The following TLL1 variants were observed in gnomAD, a reference collection of about 807,000 sequenced individuals.
The protein encoded by TLL1 is tolloid-like protein 1.
A neutral mutation model predicts 128.2 loss-of-function variants in TLL1; 49 were observed. That is an observed-to-expected ratio of 0.38 (90% CI 0.30 to 0.48). TLL1 has a LOEUF of 0.48. Among genes scored for constraint, TLL1 ranks in the 20% least tolerant of loss-of-function variants. The pLI, the probability that TLL1 is intolerant of heterozygous loss-of-function variation, is 0.96. For missense variants in TLL1, 1,123 were observed against 1,242.0 expected, an observed-to-expected ratio of 0.90 and a Z score of 1.44; for synonymous variants, 454 against 418.8, an observed-to-expected ratio of 1.08 and a Z score of -1.03.
chr4:166,026,243 G>A (rs931286315), intron 9 of TLL1, among the ~76,000 whole-genome samples: 14 of 151,850 alleles, frequency 9.2e-5, no homozygotes, highest in Non-Finnish European at 2.9e-5. Flanking sequence ...ACAAAAATTA[G>A]CCTGGCACTG....
At position 165,889,693 on chromosome 4, in the gene TLL1, C is replaced by T. The variant is rs73860875; in HGVS notation, c.169+15620C>T. Among the ~76,000 whole-genome samples, 379 of 152,248 alleles carry T rather than the reference C, an allele frequency of 2.5e-3. 2 individuals carry two copies. Among genetic ancestry groups the T allele is most frequent in the African/African-American group, 8.4e-3 (351 of 41,560 alleles). On this transcript the variant is annotated intron_variant, in intron 1 of 20. Coordinates refer to ENST00000061240, the MANE Select transcript of TLL1 (RefSeq NM_012464.5). ...GTGGATTGGAAATATGTTTCTGCAT[C>T]TTTTGATGCTTAGGTGATACTTATT...
intron 1 of TLL1, among the ~76,000 whole-genome samples, chr4:165,923,933 G>A (rs76043851): frequency 0.016 from 2,482 of 152,162 alleles, 68 homozygotes; most frequent in African/African-American, 0.056. Context: ...CTGTTATGGT[G>A]ATCTGGGATT....
intron 1 of TLL1, among the ~76,000 whole-genome samples, chr4:165,934,769 T>C (rs1733691949): frequency 6.6e-6 from 1 of 152,220 alleles, no homozygotes; most frequent in Non-Finnish European, 1.5e-5. Context: ...TCCAGGAAAC[T>C]GATACATTTT....
chr4:165,968,945 G>A (rs922794575), intron 1 of TLL1, among the ~76,000 whole-genome samples: 3 of 152,106 alleles, frequency 2.0e-5, no homozygotes, highest in African/African-American at 7.2e-5. Context: ...ATGTAAATGT[G>A]TATGTGTTAA....
intron 1 of TLL1, among the ~76,000 whole-genome samples, chr4:165,974,425 C>A (rs956496101): frequency 2.0e-4 from 26 of 130,954 alleles, no homozygotes; most frequent in South Asian, 4.2e-4. Context: ...CAGGCGTGAG[C>A]CACCGCGCCT....
intron 12 of TLL1, chr4:166,044,466 C>A: frequency 1.3e-6 from 2 of 1,504,420 alleles, no homozygotes; most frequent in Non-Finnish European, 1.8e-6. Context: ...TTGTCTCTGT[C>A]CCCTTGCATG....
At chr4:166,064,589 C>T (rs544513041) in intron 15 of TLL1, among the ~76,000 whole-genome samples, 1 of 152,086 alleles carries the variant, frequency 6.6e-6, no homozygotes, top group Admixed American at 6.6e-5. Context: ...GATATCTTAG[C>T]TATTTAAAAT....
At position 165,917,491 on chromosome 4, in the gene TLL1, T is replaced by G. The variant is rs1566751; in HGVS notation, c.169+43418T>G. ...CTTAGTATTTAATAGGTATCAGGTG[T>G]AACTTTTATTAGTAGTAAACTTAGA... On this transcript the variant is annotated intron_variant, in intron 1 of 20. Coordinates refer to ENST00000061240, the MANE Select transcript of TLL1 (RefSeq NM_012464.5). Among the ~76,000 whole-genome samples the G allele has an allele frequency of 1.4e-3, 218 of 152,260 alleles. 3 individuals carry two copies. The East Asian group carries it at 0.029, about 20-fold the overall frequency.
At position 165,937,131 on chromosome 4, in the gene TLL1, T is replaced by C. The variant is rs1733800489; in HGVS notation, c.170-52250T>C. On this transcript the variant is annotated intron_variant, in intron 1 of 20. Coordinates refer to ENST00000061240, the MANE Select transcript of TLL1 (RefSeq NM_012464.5). Reference sequence around the variant, plus strand: ...TTATGTAACCCCAAATTTCTGCTACTTCTGTTCCTCTTTCTTCCTTATTCA... The same window carrying C: ...TTATGTAACCCCAAATTTCTGCTACCTCTGTTCCTCTTTCTTCCTTATTCA... Among the ~76,000 whole-genome samples the C allele has an allele frequency of 2.0e-5, 3 of 152,364 alleles. 1 individual carries two copies. The Middle Eastern group carries it at 0.01, about 518-fold the overall frequency.
chr4:166,048,031 G>C (rs1739537527), intron 12 of TLL1, among the ~76,000 whole-genome samples: 1 of 152,048 alleles, frequency 6.6e-6, no homozygotes, highest in Admixed American at 6.6e-5. Context: ...GAGGTCAGGA[G>C]TTCAAGACCA....
chr4:166,057,754 G>T (rs925616143), intron 14 of TLL1, among the ~76,000 whole-genome samples: 1 of 152,122 alleles, frequency 6.6e-6, no homozygotes, highest in African/African-American at 2.4e-5. Context: ...GAAAGCATGT[G>T]CAGGGGACTC....
intron 19 of TLL1, among the ~76,000 whole-genome samples, chr4:166,091,592 G>C (rs1024150551): frequency 6.6e-6 from 1 of 152,024 alleles, no homozygotes; most frequent in African/African-American, 2.4e-5. Flanking sequence ...GTAGAACAGT[G>C]CAGTTTGTTT....
chr4:166,047,551 G>A (rs1226154757), intron 12 of TLL1, among the ~76,000 whole-genome samples: 3 of 150,760 alleles, frequency 2.0e-5, no homozygotes, highest in Admixed American at 1.3e-4. Flanking sequence ...TAAGGACCAT[G>A]AAGATAAACT....
intron 18 of TLL1, among the ~76,000 whole-genome samples, chr4:166,079,251 T>C (rs190757918): frequency 6.6e-6 from 1 of 152,180 alleles, no homozygotes; most frequent in Non-Finnish European, 1.5e-5. Context: ...TTTTAAGGCG[T>C]TCATTTTCTT....
chr4:166,035,240 G>A (rs10005905), intron 9 of TLL1, among the ~76,000 whole-genome samples: 12,534 of 152,130 alleles, frequency 0.082, 949 homozygotes, highest in African/African-American at 0.2. Flanking sequence ...GAATAATTCA[G>A]CTCTTGGTTT....
At chr4:166,071,706 C>G (rs1039840294) in intron 16 of TLL1, among the ~76,000 whole-genome samples, 1 of 151,846 alleles carries the variant, frequency 6.6e-6, no homozygotes, top group African/African-American at 2.4e-5. Flanking sequence ...AAAGTGAAAA[C>G]AGAAGTTAAT....
chr4:165,891,261 T>C (rs912678471), intron 1 of TLL1, among the ~76,000 whole-genome samples: 3 of 152,154 alleles, frequency 2.0e-5, no homozygotes, highest in East Asian at 1.9e-4. Flanking sequence ...TTCCCCATTG[T>C]CTTGGAGATT....
chr4:165,990,035 A>G (rs1018467226), intron 2 of TLL1, among the ~76,000 whole-genome samples: 2 of 151,892 alleles, frequency 1.3e-5, no homozygotes, highest in Non-Finnish European at 2.9e-5. Context: ...GAAAATTTAT[A>G]TATCTATATA....
intron 1 of TLL1, among the ~76,000 whole-genome samples, chr4:165,903,380 A>C (rs926288354): frequency 6.6e-6 from 1 of 151,974 alleles, no homozygotes; most frequent in Admixed American, 6.6e-5. Flanking sequence ...TTGTATACTA[A>C]AAATTTTTCT....
Sources: gnomAD v4.1 joint callset for allele counts (sites outside exome capture counted in the v4.1 genomes callset) on GRCh38, gnomAD v4.1.1 for gene constraint, MANE v1.5 for transcripts, NCBI Gene and HGNC (gene_info 2026-07-23, HGNC 2026-07-21) for gene names.